SLC27A5: variants seen among roughly 807,000 people sequenced by gnomAD.
SLC27A5 encodes solute carrier family 27 member 5.
In SLC27A5, 47 loss-of-function variants were observed where a neutral mutation model predicts 63.1. That is an observed-to-expected ratio of 0.74 (90% CI 0.59 to 0.95). The LOEUF (loss-of-function observed/expected upper bound fraction) is 0.95, where lower values mean the gene tolerates loss of function less well. Among genes scored for constraint, SLC27A5 ranks in the 40% least tolerant of loss-of-function variants. The pLI is 0.00. For missense variants in SLC27A5, 940 were observed against 921.0 expected, an observed-to-expected ratio of 1.02 and a Z score of -0.27; for synonymous variants, 391 against 403.8, an observed-to-expected ratio of 0.97 and a Z score of 0.38.
intron 3 of SLC27A5, chr19:58,507,339 G>A (rs1484095243): frequency 1.3e-5 from 2 of 152,504 alleles, no homozygotes; most frequent in Non-Finnish European, 2.9e-5. Flanking sequence ...CTGGAGCCAC[G>A]GCAGAGGAAC....
At chr19:58,501,151 C>G (rs2053269191) in intron 4 of SLC27A5, 135 bp downstream of exon 4, 2 of 1,312,004 alleles carry the variant, frequency 1.5e-6, no homozygotes, top group East Asian at 2.4e-5. Flanking sequence ...TTGTCTGAAA[C>G]TCATTATCTG....
In SLC27A5 at chr19:58,511,764, C is replaced by G; in HGVS notation, c.192G>C (p.Leu64=). ...PWLGPWVPHG[L]SLAAAALALT... ...GTGCCAGGGCCGCAGCTGCCAGGCT[C>G]AGCCCATGGGGCACCCAGGGGCCGA... Residue 64 remains leucine (L), a synonymous_variant, in exon 1 of 10, where the codon CTG becomes CTC. Transcript: ENST00000263093. 1.3e-6 allele frequency: 2 copies of G among 1,551,450 alleles called. No homozygotes were observed. The highest frequency in any genetic ancestry group is 8.7e-7 in the Non-Finnish European group (1 of 1,147,198).
intron 2 of SLC27A5, 73 bp from the exon 3 acceptor site, chr19:58,510,078 A>C: frequency 3.4e-6 from 5 of 1,471,388 alleles, no homozygotes; most frequent in Non-Finnish European, 4.6e-6. Flanking sequence ...AGAGGGATAG[A>C]TCTCCAACAG....
In SLC27A5 at chr19:58,499,145, G is replaced by A. The variant is rs771388335; in HGVS notation, c.1743C>T (p.Asn581=). 1 of 1,614,024 alleles carries A rather than the reference G, an allele frequency of 6.2e-7. No individual in the cohort carries two copies. The highest frequency in any genetic ancestry group is 8.5e-7 in the Non-Finnish European group (1 of 1,180,028). ...LSQVDFLQQV[N]VYGVCVPGCE... ...CACCTGGCACGCACACGCCATACACGTTAACCTGTTGCAAGAAGTCCACCT... is the reference window on the plus strand; with the variant it reads ...CACCTGGCACGCACACGCCATACACATTAACCTGTTGCAAGAAGTCCACCT... Residue 581 remains asparagine (N), a synonymous_variant, in exon 8 of 10, where the codon AAC becomes AAT. Transcript: ENST00000263093.
chr19:58,499,102 T>G (rs778016405), intron 8 of SLC27A5, 21 bp downstream of exon 8: 9 of 1,613,456 alleles, frequency 5.6e-6, no homozygotes, highest in African/African-American at 1.3e-5. Flanking sequence ...GTTGGAAGTT[T>G]AAAATGAGAA....
chr19:58,509,890 G>A lies in SLC27A5; in HGVS notation c.1014C>T (p.His338=), dbSNP rs779175109. 49 of 1,613,668 alleles carry A rather than the reference G, an allele frequency of 3.0e-5. No homozygotes were observed. Among genetic ancestry groups the A allele is most frequent in the East Asian group, 4.5e-5 (2 of 44,862 alleles). The change falls in exon 3 of 10, where the codon CAC becomes CAT. Residue 338 remains histidine, a synonymous_variant. Coordinates refer to ENST00000263093, the MANE Select transcript of SLC27A5 (RefSeq NM_012254.3). ...DVVYTVLPLY[H]VMGLVVGILG... ...GGATCCCAACGACAAGTCCCATCAC[G>A]TGGTACAGAGGCAGGACCGTGTAAA... is the stretch of plus-strand genomic sequence containing the variant.
intron 3 of SLC27A5, 90 bp from the exon 4 acceptor site, chr19:58,501,500 A>G (rs532121952): frequency 1.4e-6 from 2 of 1,393,164 alleles, no homozygotes; most frequent in African/African-American, 1.4e-5. Flanking sequence ...CCACCCCCAC[A>G]CCCTGAAATA....
chr19:58,503,756 A>T (rs2053310052), intron 3 of SLC27A5, among the ~76,000 whole-genome samples: 1 of 152,186 alleles, frequency 6.6e-6, no homozygotes, highest in Non-Finnish European at 1.5e-5. Flanking sequence ...AGAGACCTAC[A>T]AGCAAATACA....
Position 58,498,896 on chromosome 19 carries a change from GC to G in SLC27A5, c.1784del (p.Gly595AlafsTer7), listed in dbSNP as rs1568625758. The G allele has an allele frequency of 1.2e-6, 2 of 1,613,014 alleles. No individual in the cohort carries two copies. Among genetic ancestry groups the G allele is most frequent in the Non-Finnish European group, 1.7e-6 (2 of 1,179,994 alleles). Reference protein sequence around the residue: ...VCVPGCEGKVGMAAVQLAPGQ... With the variant: ...VCVPGCEGKVXMAAVQLAPGQ... ...CGGGGGCTAGCTGCACAGCAGCCAT[GC>G]CCACCTTACCCTCACAACCTAGAGA... On this transcript the variant is annotated frameshift_variant, in exon 9 of 10. Coordinates refer to ENST00000263093, the MANE Select transcript of SLC27A5 (RefSeq NM_012254.3). LOFTEE classifies it high-confidence loss of function.
rs199644565 is a variant in SLC27A5 at position 58,506,267 on chromosome 19, G to A, written c.1057+3580C>T. ...AAACAAACAGACGCCAGGCGCGGTG[G>A]TTCACGCCTGTAATCCCAGCACTTT... is the stretch of plus-strand genomic sequence containing the variant. On this transcript the variant is annotated intron_variant, in intron 3 of 9. Coordinates refer to ENST00000263093, the MANE Select transcript of SLC27A5 (RefSeq NM_012254.3). Among the ~76,000 whole-genome samples, 5 of 152,158 alleles carry A rather than the reference G, an allele frequency of 3.3e-5. No homozygotes were observed. In the East Asian group the frequency reaches 5.8e-4, roughly 18 times the overall value.
Position 58,509,920 on chromosome 19 carries a change from A to G in SLC27A5, c.984T>C (p.Asp328=). 6.2e-7 allele frequency: 1 copy of G among 1,614,138 alleles called. No individual in the cohort carries two copies. Among genetic ancestry groups the G allele is most frequent in the Non-Finnish European group, 8.5e-7 (1 of 1,180,022 alleles). The change falls in exon 3 of 10, where the codon GAT becomes GAC. Residue 328 remains aspartate (D), a synonymous_variant. Coordinates refer to ENST00000263093, the MANE Select transcript of SLC27A5 (RefSeq NM_012254.3). ...MLSLSGATAD[D]VVYTVLPLYH... ...ACAGAGGCAGGACCGTGTAAACCACATCATCAGCTGTGGCCCCAGATAAGG... is the reference window on the plus strand; with the variant it reads ...ACAGAGGCAGGACCGTGTAAACCACGTCATCAGCTGTGGCCCCAGATAAGG...
At chr19:58,504,796 G>A (rs1161533242) in intron 3 of SLC27A5, among the ~76,000 whole-genome samples, 1 of 152,096 alleles carries the variant, frequency 6.6e-6, no homozygotes, top group Non-Finnish European at 1.5e-5. Context: ...ACGAGGTCAG[G>A]AGATTGAGAC....
At chr19:58,510,646 A>G in intron 2 of SLC27A5, 75 bp downstream of exon 2, 1 of 1,278,052 alleles carries the variant, frequency 7.8e-7, no homozygotes, top group South Asian at 1.5e-5. Flanking sequence ...GTCAACACTG[A>G]GTCACAAGTC....
chr19:58,499,359 C>T, intron 7 of SLC27A5, 133 bp downstream of exon 7: 2 of 1,325,640 alleles, frequency 1.5e-6, no homozygotes, highest in East Asian at 2.5e-5. Flanking sequence ...CCCGCCTTCG[C>T]GTGAGAAGTC....
Position 58,499,704 on chromosome 19 carries a change from A to T in SLC27A5, c.1469-14T>A, listed in dbSNP as rs1475742531. 6.2e-7 allele frequency: 1 copy of T among 1,609,466 alleles called. No individual in the cohort carries two copies. Among genetic ancestry groups the T allele is most frequent in the African/African-American group, 1.3e-5 (1 of 74,894 alleles). On this transcript the variant is annotated splice_polypyrimidine_tract_variant and intron_variant, in intron 6 of 9. Coordinates refer to ENST00000263093, the MANE Select transcript of SLC27A5 (RefSeq NM_012254.3). The stretch of plus-strand genomic sequence containing the variant: ...GCCCCGGCTCCCCTGGGGTAGGAGC[A>T]GGAACAAGAACCCCTGGAGCCCACC...
chr19:58,504,752 TC>T (rs1291053182), intron 3 of SLC27A5, among the ~76,000 whole-genome samples: 1 of 151,860 alleles, frequency 6.6e-6, no homozygotes, highest in East Asian at 1.9e-4. Flanking sequence ...ATGCCTGTAA[TC>T]CCAGCACTTT....
intron 3 of SLC27A5, among the ~76,000 whole-genome samples, chr19:58,503,337 T>C (rs1423139704): frequency 6.6e-6 from 1 of 151,626 alleles, no homozygotes. Flanking sequence ...GTTTGTATGG[T>C]TGTATTGACG....
At chr19:58,510,979 G>A (rs759630232) in intron 1 of SLC27A5, 49 bp from the exon 2 acceptor site, 4 of 1,461,630 alleles carry the variant, frequency 2.7e-6, no homozygotes, top group Non-Finnish European at 3.7e-6. Flanking sequence ...CACCTTTGAG[G>A]TTGCGAGGCG....
Position 58,501,387 on chromosome 19 carries a change from TG to T in SLC27A5, c.1080del (p.Lys361SerfsTer16). ...LDLGATCVLAPKFSTSCFWDD... is the reference protein window; with the variant it reads ...LDLGATCVLAXKFSTSCFWDD... ...TCCCAGAAGCAGGAAGTAGAGAACT[TG>T]GGGGCCAGAACACAGGTGGCTCCTG... On this transcript the variant is annotated frameshift_variant, in exon 4 of 10. Transcript: ENST00000263093. LOFTEE classifies it high-confidence loss of function. 1.2e-6 allele frequency: 2 copies of T among 1,613,540 alleles called. No homozygotes were observed. Among genetic ancestry groups the T allele is most frequent in the Non-Finnish European group, 1.7e-6 (2 of 1,179,710 alleles).
Sources: gnomAD v4.1 joint callset for allele counts (sites outside exome capture counted in the v4.1 genomes callset) on GRCh38, gnomAD v4.1.1 for gene constraint, MANE v1.5 for transcripts, NCBI Gene and HGNC (gene_info 2026-07-23, HGNC 2026-07-21) for gene names.